The following OSTN variants were observed in gnomAD, a reference collection of about 807,000 sequenced individuals.
The protein encoded by OSTN is osteocrin.
A neutral mutation model predicts 12.0 loss-of-function variants in OSTN; 9 were observed. The ratio of observed to expected loss-of-function variants is 0.75; its 90% confidence interval spans 0.45 to 1.30. The LOEUF (loss-of-function observed/expected upper bound fraction) is 1.30, where lower values mean the gene tolerates loss of function less well. Among genes scored for constraint, OSTN ranks in the 50% most tolerant of loss-of-function variants. The pLI is 0.00. For missense variants in OSTN, 148 were observed against 152.3 expected, an observed-to-expected ratio of 0.97 and a Z score of 0.15; for synonymous variants, 59 against 56.9, an observed-to-expected ratio of 1.04 and a Z score of -0.16.
intron 3 of OSTN, among the ~76,000 whole-genome samples, chr3:191,230,425 A>G (rs1465362300): frequency 6.6e-6 from 1 of 151,890 alleles, no homozygotes; most frequent in Non-Finnish European, 1.5e-5. Flanking sequence ...TTAGCTGGGC[A>G]TGGTGGTGGG....
At chr3:191,253,921 T>C (rs1486163334) in intron 4 of OSTN, among the ~76,000 whole-genome samples, 3 of 152,240 alleles carry the variant, frequency 2.0e-5, no homozygotes, top group African/African-American at 7.2e-5. Context: ...TTAAAAAGCG[T>C]TTCACATATT....
At chr3:191,223,767 A>G (rs1714832092) in intron 3 of OSTN, among the ~76,000 whole-genome samples, 1 of 152,140 alleles carries the variant, frequency 6.6e-6, no homozygotes, top group Admixed American at 6.5e-5. Context: ...GCACGATAAA[A>G]TAGAATACAG....
chr3:191,214,993 C>G (rs1001958175), intron 2 of OSTN, among the ~76,000 whole-genome samples: 1 of 152,158 alleles, frequency 6.6e-6, no homozygotes, highest in African/African-American at 2.4e-5. Flanking sequence ...GTCTGGGCAA[C>G]AGAGTGAGAC....
At chr3:191,232,251 A>G (rs932634298) in intron 3 of OSTN, among the ~76,000 whole-genome samples, 5 of 149,130 alleles carry the variant, frequency 3.4e-5, no homozygotes, top group African/African-American at 1.2e-4. Flanking sequence ...GAATCGCTTG[A>G]ACACGTGGGA....
chr3:191,203,678 T>G (rs931301162), intron 1 of OSTN, among the ~76,000 whole-genome samples: 1 of 134,868 alleles, frequency 7.4e-6, no homozygotes, highest in African/African-American at 3.0e-5. Context: ...CATAAAAATA[T>G]TACTTTATAA....
In OSTN at chr3:191,212,522, G is replaced by A. The variant is rs1303641364; in HGVS notation, c.1-11G>A. 6.5e-7 allele frequency: 1 copy of A among 1,543,852 alleles called. No homozygotes were observed. The highest frequency in any genetic ancestry group is 8.8e-7 in the Non-Finnish European group (1 of 1,130,376). ...CGAATCAATGCTAACTATGACATAT[G>A]TAACCCTTAGATGCTGGACTGGAGA... On this transcript the variant is annotated splice_polypyrimidine_tract_variant and intron_variant, in intron 1 of 4. Transcript: ENST00000682035.
intron 3 of OSTN, among the ~76,000 whole-genome samples, chr3:191,220,461 CAT>C (rs1239816843): frequency 2.0e-5 from 3 of 151,886 alleles, no homozygotes; most frequent in Admixed American, 1.3e-4. Flanking sequence ...TAATTGATAA[CAT>C]AGTATTATTT....
At chr3:191,257,665 T>C (rs561058659) in intron 4 of OSTN, among the ~76,000 whole-genome samples, 3 of 152,230 alleles carry the variant, frequency 2.0e-5, no homozygotes, top group South Asian at 4.1e-4. Flanking sequence ...CAAGCAACAA[T>C]TTTTTGGCCA....
intron 1 of OSTN, among the ~76,000 whole-genome samples, chr3:191,209,787 G>GT (rs1332668161): frequency 1.3e-5 from 2 of 151,986 alleles, no homozygotes; most frequent in African/African-American, 4.8e-5. Flanking sequence ...TTTTGTTGTT[G>GT]TTTTTTTAGG....
At chr3:191,212,151 G>C (rs1269652940) in intron 1 of OSTN, among the ~76,000 whole-genome samples, 1 of 152,112 alleles carries the variant, frequency 6.6e-6, no homozygotes, top group Non-Finnish European at 1.5e-5. Context: ...GACCAATCAG[G>C]ACTTACGCTC....
At chr3:191,213,654 A>G (rs545523903) in intron 2 of OSTN, among the ~76,000 whole-genome samples, 16 of 152,178 alleles carry the variant, frequency 1.1e-4, no homozygotes, top group South Asian at 4.2e-4. Flanking sequence ...AGGGCATCAC[A>G]AGGAGAAAAA....
At chr3:191,248,602 G>C (rs1715489825) in intron 3 of OSTN, among the ~76,000 whole-genome samples, 1 of 152,156 alleles carries the variant, frequency 6.6e-6, no homozygotes, top group Non-Finnish European at 1.5e-5. Context: ...TAGATACTAA[G>C]TCCTACATCA....
At chr3:191,219,058 C>T (rs1714697460) in intron 3 of OSTN, 97 bp downstream of exon 3, 1 of 1,069,006 alleles carries the variant, frequency 9.4e-7, no homozygotes, top group Non-Finnish European at 1.3e-6. Context: ...CAGTGAAAAC[C>T]TTGTATATAT....
At chr3:191,245,851 A>T (rs971726613) in intron 3 of OSTN, among the ~76,000 whole-genome samples, 1 of 151,998 alleles carries the variant, frequency 6.6e-6, no homozygotes, top group African/African-American at 2.4e-5. Context: ...GGATCGCCTG[A>T]GGTCAGGAGT....
chr3:191,246,907 T>C (rs1336403985), intron 3 of OSTN, among the ~76,000 whole-genome samples: 1 of 152,228 alleles, frequency 6.6e-6, no homozygotes, highest in African/African-American at 2.4e-5. Context: ...GATTAGCAAC[T>C]TTTATAGACT....
chr3:191,240,486 G>A (rs1265783620), intron 3 of OSTN, among the ~76,000 whole-genome samples: 2 of 152,146 alleles, frequency 1.3e-5, no homozygotes, highest in East Asian at 3.8e-4. Flanking sequence ...GAATCTCAGA[G>A]CACTGTGAAT....
intron 1 of OSTN, among the ~76,000 whole-genome samples, chr3:191,211,565 C>CT (rs35103456): frequency 6.6e-6 from 1 of 152,124 alleles, no homozygotes; most frequent in Non-Finnish European, 1.5e-5. Flanking sequence ...GCATTTTCAA[C>CT]TTTTTTGTAA....
intron 3 of OSTN, among the ~76,000 whole-genome samples, chr3:191,245,263 G>C (rs1715402991): frequency 6.6e-6 from 1 of 152,124 alleles, no homozygotes; most frequent in African/African-American, 2.4e-5. Context: ...ATTCACTGTA[G>C]TATCCCCAAT....
At chr3:191,242,018 T>C (rs77206634) in intron 3 of OSTN, among the ~76,000 whole-genome samples, 1 of 151,852 alleles carries the variant, frequency 6.6e-6, no homozygotes, top group Non-Finnish European at 1.5e-5. Flanking sequence ...TAAAAAAAAA[T>C]ACCATTATCA....
Sources: allele counts gnomAD v4.1 joint callset (sites outside exome capture counted in the v4.1 genomes callset), GRCh38; gene constraint gnomAD v4.1.1; transcripts MANE v1.5; gene names NCBI Gene and HGNC (gene_info 2026-07-23, HGNC 2026-07-21).